The following PDE4D variants were observed in gnomAD, a reference collection of about 807,000 sequenced individuals.
The protein encoded by PDE4D is 3',5'-cyclic-AMP phosphodiesterase 4D.
In PDE4D, 24 loss-of-function variants were observed where a neutral mutation model predicts 87.4. That is an observed-to-expected ratio of 0.27 (90% CI 0.20 to 0.39). The LOEUF (loss-of-function observed/expected upper bound fraction) is 0.39. Ranked by LOEUF, PDE4D falls within the 10% of genes least tolerant of loss-of-function variation. The pLI, the probability that PDE4D is intolerant of heterozygous loss-of-function variation, is 1.00. For synonymous variants in PDE4D, 384 were observed against 383.2 expected, an observed-to-expected ratio of 1.00 and a Z score of -0.02; for missense variants, 714 against 1,041.0, an observed-to-expected ratio of 0.69 and a Z score of 4.32.
At chr5:59,707,140 C>T (rs1034691158) in intron 1 of PDE4D, among the ~76,000 whole-genome samples, 2 of 152,160 alleles carry the variant, frequency 1.3e-5, no homozygotes, top group Non-Finnish European at 2.9e-5. Flanking sequence ...TGTACGTCTT[C>T]TTAGCTGTAC....
At chr5:59,406,936 A>G (rs1314007908) in intron 1 of PDE4D, among the ~76,000 whole-genome samples, 2 of 152,130 alleles carry the variant, frequency 1.3e-5, no homozygotes, top group Non-Finnish European at 2.9e-5. Flanking sequence ...CTTTTTGTTG[A>G]AGAATTTCCT....
At chr5:59,375,558 C>T (rs868041235) in intron 1 of PDE4D, among the ~76,000 whole-genome samples, 3 of 152,020 alleles carry the variant, frequency 2.0e-5, no homozygotes, top group African/African-American at 7.2e-5. Flanking sequence ...AGCCTACCAA[C>T]CAAAAAAACC....
chr5:59,338,799 T>G (rs978544004), intron 1 of PDE4D, among the ~76,000 whole-genome samples: 1 of 152,204 alleles, frequency 6.6e-6, no homozygotes, highest in African/African-American at 2.4e-5. Flanking sequence ...TTACTTAAAT[T>G]CCTACAAAAA....
At chr5:60,241,835 C>T (rs1426227848) in intron 1 of PDE4D, among the ~76,000 whole-genome samples, 3 of 151,938 alleles carry the variant, frequency 2.0e-5, no homozygotes, top group East Asian at 1.9e-4. Flanking sequence ...AGATTTAACC[C>T]GAAGAAGACT....
intron 3 of PDE4D, among the ~76,000 whole-genome samples, chr5:59,950,794 CT>C (rs1432290855): frequency 1.3e-5 from 2 of 151,904 alleles, no homozygotes; most frequent in African/African-American, 4.8e-5. Flanking sequence ...TTAATTTCTT[CT>C]TTTTTCCTCG....
At chr5:59,905,627 C>T (rs1752731608) in intron 3 of PDE4D, among the ~76,000 whole-genome samples, 1 of 151,980 alleles carries the variant, frequency 6.6e-6, no homozygotes, top group South Asian at 2.1e-4. Context: ...ATGAAAATAA[C>T]AGAATCAACT....
chr5:59,616,935 A>ATATATATATATATATC (rs1447316470), intron 1 of PDE4D, among the ~76,000 whole-genome samples: 3 of 129,286 alleles, frequency 2.3e-5, no homozygotes, highest in Admixed American at 7.7e-5. Context: ...ATATATATAT[A>ATATATATATATATATC]TATATATATA....
chr5:59,754,796 C>CCT (rs1760973786), intron 1 of PDE4D, among the ~76,000 whole-genome samples: 2 of 83,846 alleles, frequency 2.4e-5, no homozygotes. Flanking sequence ...TTCCACAGAA[C>CCT]ATTTTTTTTT....
intron 1 of PDE4D, among the ~76,000 whole-genome samples, chr5:59,831,133 A>T (rs1741135123): frequency 6.6e-6 from 1 of 152,020 alleles, no homozygotes; most frequent in South Asian, 2.1e-4. Flanking sequence ...ATTTTTTAAG[A>T]GATTGGTTTA....
At chr5:59,395,416 G>A (rs897903471) in intron 1 of PDE4D, among the ~76,000 whole-genome samples, 5 of 152,176 alleles carry the variant, frequency 3.3e-5, no homozygotes, top group African/African-American at 4.8e-5. Flanking sequence ...CTCCTCAAGT[G>A]GGTCTCTGAC....
intron 1 of PDE4D, among the ~76,000 whole-genome samples, chr5:59,663,031 C>T (rs1745498896): frequency 6.6e-6 from 1 of 152,064 alleles, no homozygotes; most frequent in African/African-American, 2.4e-5. Flanking sequence ...TATTGTGAGC[C>T]AAGGCTTCAC....
intron 1 of PDE4D, among the ~76,000 whole-genome samples, chr5:59,867,959 T>C (rs1352728913): frequency 1.3e-5 from 2 of 152,168 alleles, no homozygotes; most frequent in African/African-American, 4.8e-5. Flanking sequence ...TTACTGGTCA[T>C]GAGTATCTTT....
chr5:59,120,680 A>C (rs1295936769), intron 5 of PDE4D, among the ~76,000 whole-genome samples: 1 of 152,192 alleles, frequency 6.6e-6, no homozygotes, highest in African/African-American at 2.4e-5. Context: ...AAAAAACTTA[A>C]AATTTCTATG....
In PDE4D at chr5:59,931,922, T is replaced by G. The variant is rs28681509; in HGVS notation, c.272+56566A>C. ...TTCACCGTGTTAGCCAGGATGGTCT[T>G]GATCTCCTGACCTCGTAATCTGCCC... On this transcript the variant is annotated intron_variant, in intron 3 of 16. Coordinates refer to the PDE4D transcript ENST00000502484. 2.0e-5 allele frequency among the ~76,000 whole-genome samples: 3 copies of G among 152,142 alleles called. No individual in the cohort carries two copies. In the East Asian group the frequency reaches 5.8e-4, roughly 30 times the overall value.
intron 2 of PDE4D, among the ~76,000 whole-genome samples, chr5:60,058,684 T>G (rs1182723782): frequency 6.6e-6 from 1 of 151,818 alleles, no homozygotes; most frequent in African/African-American, 2.4e-5. Context: ...AGTTAGAATA[T>G]CCCCATAATC....
At chr5:60,316,804 C>A (rs34800562) in intron 1 of PDE4D, among the ~76,000 whole-genome samples, 41,317 of 151,996 alleles carry the variant, frequency 0.27, 6,861 homozygotes, top group African/African-American at 0.46. Context: ...TGATTTGCGT[C>A]TGTTGAACCA....
At chr5:59,613,778 T>C (rs1429417646) in intron 1 of PDE4D, among the ~76,000 whole-genome samples, 1 of 152,180 alleles carries the variant, frequency 6.6e-6, no homozygotes, top group Non-Finnish European at 1.5e-5. Flanking sequence ...TTAATTTGCA[T>C]ATTTTGGAGA....
chr5:60,497,393 C>CT (rs368387924), intron 1 of PDE4D, among the ~76,000 whole-genome samples: 99 of 151,046 alleles, frequency 6.6e-4, no homozygotes, highest in South Asian at 2.9e-3. Flanking sequence ...TTTTGTCTTT[C>CT]TTTTTTTTTG....
chr5:59,592,514 T>C (rs1826057027), intron 1 of PDE4D, among the ~76,000 whole-genome samples: 1 of 152,190 alleles, frequency 6.6e-6, no homozygotes. Flanking sequence ...AATGCTTTGT[T>C]GGGACTTTTC....
Sources: allele counts gnomAD v4.1 joint callset (sites outside exome capture counted in the v4.1 genomes callset), GRCh38; gene constraint gnomAD v4.1.1; transcripts MANE v1.5; gene names NCBI Gene and HGNC (gene_info 2026-07-23, HGNC 2026-07-21).